Variants in PRKCE observed in about 807,000 individuals in gnomAD.
PRKCE encodes protein kinase C epsilon, also known as protein kinase C epsilon type.
PRKCE carries 16 observed loss-of-function variants against 85.4 expected under a neutral mutation model. The ratio of observed to expected loss-of-function variants is 0.19; its 90% CI spans 0.13 to 0.28. PRKCE has a LOEUF of 0.28. Among genes scored for constraint, PRKCE ranks in the 10% least tolerant of loss-of-function variants. PRKCE has a pLI of 1.00. For synonymous variants in PRKCE, 388 were observed against 371.5 expected, an observed-to-expected ratio of 1.04 and a Z score of -0.51; for missense variants, 573 against 975.2, an observed-to-expected ratio of 0.59 and a Z score of 5.49.
Position 45,993,410 on chromosome 2 carries a change from G to C in PRKCE, c.824-7994G>C, listed in dbSNP as rs533965122. Among the ~76,000 whole-genome samples the C allele has an allele frequency of 6.0e-4, 92 of 152,260 alleles. 1 individual carries two copies. The highest frequency in any genetic ancestry group is 2.2e-3 in the African/African-American group (91 of 41,540). On this transcript the variant is annotated intron_variant, in intron 6 of 14. Transcript: ENST00000306156. ...CTATCTCACATCGTGCATGCTAACT[G>C]ATGTGTGATTGAGATTTTTTTTACA...
At position 45,962,715 on chromosome 2, in the gene PRKCE, C is replaced by G. The variant is rs568555460; in HGVS notation, c.413-13714C>G. On this transcript the variant is annotated intron_variant, in intron 2 of 14. Transcript: ENST00000306156. ...CCTTAAGGCCCGAATAACTGGGAAT[C>G]TGGCAAATTTCCTGGACTATGATGT... Among the ~76,000 whole-genome samples, 6 of 152,266 alleles carry G rather than the reference C, an allele frequency of 3.9e-5. 1 individual carries two copies. In the South Asian group the frequency reaches 1.2e-3, roughly 32 times the overall value.
chr2:45,688,802 A>C (rs1677499389), intron 1 of PRKCE, among the ~76,000 whole-genome samples: 1 of 152,208 alleles, frequency 6.6e-6, no homozygotes, highest in South Asian at 2.1e-4. Flanking sequence ...TTGTTATGAT[A>C]ATTTTATCAA....
chr2:45,846,445 C>T (rs1691795213), intron 2 of PRKCE, among the ~76,000 whole-genome samples: 1 of 152,162 alleles, frequency 6.6e-6, no homozygotes, highest in African/African-American at 2.4e-5. Flanking sequence ...AAACCAACAA[C>T]AGCAATAACA....
intron 1 of PRKCE, among the ~76,000 whole-genome samples, chr2:45,741,193 T>C (rs1015059483): frequency 6.6e-6 from 1 of 152,220 alleles, no homozygotes; most frequent in Non-Finnish European, 1.5e-5. Flanking sequence ...GAAGCAGTCT[T>C]AGGCTGTAGG....
At position 45,984,637 on chromosome 2, in the gene PRKCE, G is replaced by T. The variant is rs770288375; in HGVS notation, c.780G>T (p.Gly260=). ...YKVPTFCDHC[G]SLLWGLLRQG... is the part of the protein sequence containing the mutation. ...TCCCTACCTTCTGCGATCACTGTGG[G>T]TCCCTGCTCTGGGGACTCTTGCGGC... The change falls in exon 6 of 15, where the codon GGG becomes GGT. Residue 260 remains glycine (G), a synonymous_variant. Coordinates refer to ENST00000306156, the MANE Select transcript of PRKCE (RefSeq NM_005400.3). 1 of 1,599,798 alleles carries T rather than the reference G, an allele frequency of 6.3e-7. No homozygotes were observed. Among genetic ancestry groups the T allele is most frequent in the Admixed American group, 1.7e-5 (1 of 60,008 alleles).
intron 9 of PRKCE, among the ~76,000 whole-genome samples, chr2:46,010,013 C>T (rs1177620690): frequency 1.3e-5 from 2 of 152,150 alleles, no homozygotes; most frequent in African/African-American, 4.8e-5. Context: ...TGCCAGAGAT[C>T]AAAAATAAAT....
intron 11 of PRKCE, among the ~76,000 whole-genome samples, chr2:46,143,180 T>C (rs1308515920): frequency 6.6e-6 from 1 of 152,186 alleles, no homozygotes; most frequent in Admixed American, 6.5e-5. Context: ...GCAATGGAAC[T>C]GTTTAATGGA....
At chr2:45,883,288 G>A (rs974129597) in intron 2 of PRKCE, among the ~76,000 whole-genome samples, 1 of 152,232 alleles carries the variant, frequency 6.6e-6, no homozygotes, top group African/African-American at 2.4e-5. Flanking sequence ...GTCAGAAAAC[G>A]GTAGTGTTGC....
chr2:45,987,617 C>T (rs1403640947), intron 6 of PRKCE, among the ~76,000 whole-genome samples: 1 of 151,950 alleles, frequency 6.6e-6, no homozygotes, highest in African/African-American at 2.4e-5. Flanking sequence ...GCATCCCCAC[C>T]ACAGCAGCAC....
chr2:45,960,691 T>C (rs556987238), intron 2 of PRKCE, among the ~76,000 whole-genome samples: 120 of 152,272 alleles, frequency 7.9e-4, no homozygotes, highest in Admixed American at 1.6e-3. Context: ...CCCCTGGGGA[T>C]TGGGGGCCCC....
intron 1 of PRKCE, among the ~76,000 whole-genome samples, chr2:45,703,342 C>G (rs1419695734): frequency 6.6e-6 from 1 of 152,012 alleles, no homozygotes; most frequent in African/African-American, 2.4e-5. Flanking sequence ...CAAGATCAGA[C>G]TGGTCAACAT....
intron 1 of PRKCE, among the ~76,000 whole-genome samples, chr2:45,700,028 G>T (rs941413055): frequency 3.9e-5 from 6 of 152,072 alleles, no homozygotes; most frequent in African/African-American, 7.2e-5. Flanking sequence ...GCAGTGGCCA[G>T]GCCCAGCCCA....
At chr2:46,027,756 C>T (rs1174070885) in intron 10 of PRKCE, among the ~76,000 whole-genome samples, 1 of 152,142 alleles carries the variant, frequency 6.6e-6, no homozygotes. Context: ...TATGATCTGT[C>T]TCAAGGACAA....
chr2:45,901,550 G>C (rs1696584084), intron 2 of PRKCE, among the ~76,000 whole-genome samples: 1 of 152,172 alleles, frequency 6.6e-6, no homozygotes, highest in South Asian at 2.1e-4. Flanking sequence ...TTTCACCTTG[G>C]AAACTAAGGC....
At chr2:45,655,898 A>G (rs974444473) in intron 1 of PRKCE, among the ~76,000 whole-genome samples, 1 of 142,396 alleles carries the variant, frequency 7.0e-6, no homozygotes, top group Middle Eastern at 3.8e-3. Flanking sequence ...AGAATCCAGG[A>G]GGGTTTTTGG....
chr2:45,685,276 T>C (rs144706736), intron 1 of PRKCE: 18 of 152,360 alleles, frequency 1.2e-4, no homozygotes, highest in African/African-American at 4.1e-4. Context: ...GGTACTAAGA[T>C]ACTCTGTTGT....
intron 2 of PRKCE, among the ~76,000 whole-genome samples, chr2:45,898,205 A>G (rs1240960549): frequency 1.3e-5 from 2 of 152,220 alleles, no homozygotes; most frequent in African/African-American, 4.8e-5. Flanking sequence ...TTTATTCATT[A>G]GAGGCGAGTT....
intron 1 of PRKCE, among the ~76,000 whole-genome samples, chr2:45,787,652 T>C (rs1686711475): frequency 1.3e-5 from 2 of 152,156 alleles, no homozygotes; most frequent in African/African-American, 4.8e-5. Flanking sequence ...TTGGGTTCCA[T>C]ATAAGATTTC....
intron 14 of PRKCE, among the ~76,000 whole-genome samples, chr2:46,173,907 A>G (rs567986128): frequency 3.3e-5 from 5 of 152,364 alleles, no homozygotes; most frequent in East Asian, 3.9e-4. Context: ...AACTTCTCAC[A>G]TGGAATTTGT....
Sources: allele counts gnomAD v4.1 joint callset (sites outside exome capture counted in the v4.1 genomes callset), GRCh38; gene constraint gnomAD v4.1.1; transcripts MANE v1.5; gene names NCBI Gene and HGNC (gene_info 2026-07-23, HGNC 2026-07-21).